The following ELAVL1 variants were observed in gnomAD, a reference collection of about 807,000 sequenced individuals.
The protein encoded by ELAVL1 is ELAV-like protein 1.
In ELAVL1, 1 loss-of-function variant was observed where a neutral mutation model predicts 28.4. The observed-to-expected ratio is 0.04, with a 90% CI of 0.01 to 0.17. The LOEUF (loss-of-function observed/expected upper bound fraction) is 0.17, where lower values mean the gene tolerates loss of function less well. Among genes scored for constraint, ELAVL1 ranks in the 10% least tolerant of loss-of-function variants. ELAVL1 has a pLI of 1.00. For missense variants in ELAVL1, 157 were observed against 447.2 expected (o/e 0.35, Z 5.85); for synonymous variants, 174 against 183.5 (o/e 0.95, Z 0.42).
intron 2 of ELAVL1, among the ~76,000 whole-genome samples, chr19:7,987,841 C>A (rs879526994): frequency 5.3e-5 from 8 of 152,340 alleles, no homozygotes; most frequent in African/African-American, 1.9e-4. Context: ...CAGTGCAGGT[C>A]GGCCCAGGTG....
chr19:7,969,726 C>G (rs1170434298), intron 4 of ELAVL1, among the ~76,000 whole-genome samples: 1 of 152,104 alleles, frequency 6.6e-6, no homozygotes, highest in African/African-American at 2.4e-5. Flanking sequence ...TGGCTTCATT[C>G]TGTTTCTAAA....
chr19:7,961,474 A>C lies in ELAVL1; in HGVS notation c.*2009T>G, dbSNP rs958381094. ...CATCAGAAGATGCTGGCCCAGGGAAACCTGAAAGGCTTCTTTTTCCAGGAA... is the reference window on the plus strand; with the variant it reads ...CATCAGAAGATGCTGGCCCAGGGAACCCTGAAAGGCTTCTTTTTCCAGGAA... On this transcript the variant is annotated 3_prime_UTR_variant, in exon 6 of 6. Transcript: ENST00000407627. 1 of 152,170 alleles carries C rather than the reference A, an allele frequency of 6.6e-6. No homozygotes were observed. The highest frequency in any genetic ancestry group is 1.9e-4 in the East Asian group (1 of 5,196). The allele number at this position is 152,170 out of a possible 1,614,324, so 9.4% of individuals were successfully genotyped here.
At position 7,959,572 on chromosome 19, in the gene ELAVL1, C is replaced by T. The variant is rs1476562713; in HGVS notation, c.*3911G>A. On this transcript the variant is annotated 3_prime_UTR_variant, in exon 6 of 6. Coordinates refer to ENST00000407627, the MANE Select transcript of ELAVL1 (RefSeq NM_001419.3). The stretch of plus-strand genomic sequence containing the variant: ...AAAAAAAATTTGTTTTTTTAAATGG[C>T]CAAGAAAGAAACCTGAACGATGTCA... The T allele has an allele frequency of 6.6e-6, 1 of 151,922 alleles. No individual in the cohort carries two copies. Among genetic ancestry groups the T allele is most frequent in the Non-Finnish European group, 1.5e-5 (1 of 67,982 alleles). 9.4% of individuals were successfully genotyped at this position (151,922 alleles called of 1,614,324 possible).
intron 5 of ELAVL1, among the ~76,000 whole-genome samples, chr19:7,965,266 G>C (rs1394271144): frequency 2.6e-5 from 4 of 152,118 alleles, no homozygotes; most frequent in African/African-American, 2.4e-5. Context: ...AGACTAAGAA[G>C]AAAGGGTCTA....
At chr19:7,970,481 A>C (rs1273625243) in intron 4 of ELAVL1, among the ~76,000 whole-genome samples, 1 of 151,254 alleles carries the variant, frequency 6.6e-6, no homozygotes, top group Non-Finnish European at 1.5e-5. Flanking sequence ...GGGGTTTGCC[A>C]TGTTGGCCAG....
chr19:7,976,707 G>A (rs2145209168), intron 3 of ELAVL1, among the ~76,000 whole-genome samples: 1 of 152,314 alleles, frequency 6.6e-6, no homozygotes, highest in African/African-American at 2.4e-5. Flanking sequence ...CCTGGCCTGT[G>A]GGGCTTTGTC....
chr19:7,995,966 G>T (rs1985864115), intron 1 of ELAVL1, among the ~76,000 whole-genome samples: 2 of 151,256 alleles, frequency 1.3e-5, no homozygotes. Flanking sequence ...AGGCTGAAGT[G>T]CAATGCCATA....
chr19:7,999,216 T>C lies in ELAVL1; in HGVS notation c.-17+6279A>G, dbSNP rs939107412. ...AGTGAAACCCTGTCTATACTGAAAA[T>C]ACAAAAATTAGCTGGGCGTGATGGT... On this transcript the variant is annotated intron_variant, in intron 1 of 5. Transcript: ENST00000407627. 3.3e-5 allele frequency among the ~76,000 whole-genome samples: 5 copies of C among 152,040 alleles called. No individual in the cohort carries two copies. In the East Asian group the frequency reaches 5.8e-4, roughly 18 times the overall value.
At position 7,981,247 on chromosome 19, in the gene ELAVL1, G is replaced by A. The variant is rs1985454635; in HGVS notation, c.173-61C>T. The A allele has an allele frequency of 2.6e-6, 4 of 1,547,412 alleles. No homozygotes were observed. Among genetic ancestry groups the A allele is most frequent in the Non-Finnish European group, 2.7e-6 (3 of 1,119,842 alleles). On this transcript the variant is annotated intron_variant, in intron 2 of 5. Coordinates refer to ENST00000407627, the MANE Select transcript of ELAVL1 (RefSeq NM_001419.3). The surrounding 1 kb of genome is among the most constrained non-coding windows in gnomAD (Gnocchi z 4.2). Reference sequence around the variant, plus strand: ...CCGTCTGCGAGTGAGGGACAGGGAGGTCGGGAAGCACTATATCTGCCTGGC... The same window carrying A: ...CCGTCTGCGAGTGAGGGACAGGGAGATCGGGAAGCACTATATCTGCCTGGC...
intron 5 of ELAVL1, among the ~76,000 whole-genome samples, chr19:7,966,844 C>T (rs1984968094): frequency 6.6e-6 from 1 of 151,992 alleles, no homozygotes; most frequent in Non-Finnish European, 1.5e-5. Flanking sequence ...TGCTCAAACT[C>T]GGGGCTTCAA....
rs1984853277 is a variant in ELAVL1 at position 7,962,936 on chromosome 19, A to T, written c.*547T>A. The T allele has an allele frequency of 6.5e-6, 1 of 153,642 alleles. No individual in the cohort carries two copies. The highest frequency in any genetic ancestry group is 1.5e-5 in the Non-Finnish European group (1 of 68,808). 9.5% of individuals were successfully genotyped at this position (153,642 alleles called of 1,614,324 possible). On this transcript the variant is annotated 3_prime_UTR_variant, in exon 6 of 6. Coordinates refer to ENST00000407627, the MANE Select transcript of ELAVL1 (RefSeq NM_001419.3). The stretch of plus-strand genomic sequence containing the variant: ...GCTGGACGGGCCCGCCGCCATTCCC[A>T]GGACCACTCGGCAGAGCCCGGGACT...
rs1985455982 is a variant in ELAVL1 at position 7,981,264 on chromosome 19, C to T, written c.173-78G>A. 1 of 1,392,450 alleles carries T rather than the reference C, an allele frequency of 7.2e-7. No homozygotes were observed. The highest frequency in any genetic ancestry group is 1.0e-6 in the Non-Finnish European group (1 of 980,698). 86.3% of individuals were successfully genotyped at this position (1,392,450 alleles called of 1,614,324 possible). ...ACAGGGAGGTCGGGAAGCACTATAT[C>T]TGCCTGGCCTTTGGGAAATGGGATT... On this transcript the variant is annotated intron_variant, in intron 2 of 5. Coordinates refer to ENST00000407627, the MANE Select transcript of ELAVL1 (RefSeq NM_001419.3). This position sits in a 1 kb window ranked among gnomAD's most constrained non-coding sequence, Gnocchi z 4.2.
rs113974628 is a variant in ELAVL1, at chr19:7,998,345, C to T, written c.-16-6514G>A. ...CACTGTCCTGCAATCAAGATGCTCA[C>T]CCCTCTGGTATTCCCTGTCAGTGGT... On this transcript the variant is annotated intron_variant, in intron 1 of 5. Coordinates refer to ENST00000407627, the MANE Select transcript of ELAVL1 (RefSeq NM_001419.3). Among the ~76,000 whole-genome samples, 742 of 152,334 alleles carry T rather than the reference C, an allele frequency of 4.9e-3. 8 individuals carry two copies. The highest frequency in any genetic ancestry group is 0.017 in the African/African-American group (695 of 41,568).
Position 7,960,219 on chromosome 19 carries a change from T to C in ELAVL1, c.*3264A>G, listed in dbSNP as rs1420499899. On this transcript the variant is annotated 3_prime_UTR_variant, in exon 6 of 6. Transcript: ENST00000407627. ...GCTGCCGGCTCCAAAGGGCCGGTCT[T>C]GGCTCCCAACAGCAGCACGGTTCAG... 1 of 152,202 alleles carries C rather than the reference T, an allele frequency of 6.6e-6. No homozygotes were observed. The highest frequency in any genetic ancestry group is 1.5e-5 in the Non-Finnish European group (1 of 68,062). The allele number at this position is 152,202 out of a possible 1,614,324, so 9.4% of individuals were successfully genotyped here.
At chr19:7,985,208 C>T (rs12980734) in intron 2 of ELAVL1, among the ~76,000 whole-genome samples, 8,929 of 152,336 alleles carry the variant, frequency 0.059, 279 homozygotes, top group Non-Finnish European at 0.07. Flanking sequence ...GCGTGCGCCA[C>T]CGCGCCCAGC....
In ELAVL1 at chr19:7,982,692, G is replaced by A. The variant is rs982760095; in HGVS notation, c.173-1506C>T. Among the ~76,000 whole-genome samples, 1 of 152,132 alleles carries A rather than the reference G, an allele frequency of 6.6e-6. No homozygotes were observed. Among genetic ancestry groups the A allele is most frequent in the Non-Finnish European group, 1.5e-5 (1 of 68,022 alleles). ...ATTACCTCTAGTCCACGCCCCAGCC[G>A]CTTCCTTAGTCTTTCCCTCATGTTC... On this transcript the variant is annotated intron_variant, in intron 2 of 5. Coordinates refer to ENST00000407627, the MANE Select transcript of ELAVL1 (RefSeq NM_001419.3). The surrounding 1 kb of genome is among the most constrained non-coding windows in gnomAD (Gnocchi z 4.3).
At chr19:8,003,318 C>G (rs1297674456) in intron 1 of ELAVL1, among the ~76,000 whole-genome samples, 1 of 119,554 alleles carries the variant, frequency 8.4e-6, no homozygotes, top group Non-Finnish European at 1.6e-5. Flanking sequence ...GATGGCACAA[C>G]TGCACTCCAG....
At position 7,973,889 on chromosome 19, in the gene ELAVL1, C is replaced by A. The variant is rs1379666737; in HGVS notation, c.277-11G>T. The A allele has an allele frequency of 6.2e-7, 1 of 1,613,546 alleles. No individual in the cohort carries two copies. The highest frequency in any genetic ancestry group is 8.5e-7 in the Non-Finnish European group (1 of 1,179,574). Reference sequence around the variant, plus strand: ...GCGAGCATACGACACCTTGGGAACACAACCACTTTCCGAGATTAGTACAGG... The same window carrying A: ...GCGAGCATACGACACCTTGGGAACAAAACCACTTTCCGAGATTAGTACAGG... On this transcript the variant is annotated splice_polypyrimidine_tract_variant and intron_variant, in intron 3 of 5. Coordinates refer to ENST00000407627, the MANE Select transcript of ELAVL1 (RefSeq NM_001419.3).
chr19:7,967,558 G>A lies in ELAVL1; in HGVS notation c.656+7C>T, dbSNP rs763656994. ...GGCTTTCAGGAGCGCGCACCCTCCC[G>A]ACCCACCTGAATCTCTGCGCCTGGT... On this transcript the variant is annotated splice_region_variant and intron_variant, in intron 5 of 5. Transcript: ENST00000407627. The A allele has an allele frequency of 4.3e-6, 7 of 1,613,096 alleles. No homozygotes were observed. Among genetic ancestry groups the A allele is most frequent in the Admixed American group, 3.3e-5 (2 of 59,972 alleles).
Sources: allele counts gnomAD v4.1 joint callset (sites outside exome capture counted in the v4.1 genomes callset), GRCh38; gene constraint gnomAD v4.1.1; non-coding constraint Gnocchi (gnomAD v3.1); transcripts MANE v1.5; gene names NCBI Gene and HGNC (gene_info 2026-07-23, HGNC 2026-07-21).